Variants in RBFOX1 observed in about 807,000 individuals in gnomAD.
RBFOX1 encodes the protein RNA binding protein fox-1 homolog 1.
RBFOX1 carries 8 observed loss-of-function variants against 57.7 expected under a neutral mutation model. The observed-to-expected ratio is 0.14, with a 90% CI of 0.08 to 0.25. The LOEUF (loss-of-function observed/expected upper bound fraction) is 0.25. Ranked by LOEUF, RBFOX1 falls within the 10% of genes least tolerant of loss-of-function variation. The pLI is 1.00. For missense variants in RBFOX1, 611 were observed against 548.5 expected, an observed-to-expected ratio of 1.11 and a Z score of -1.14; for synonymous variants, 326 against 222.4, an observed-to-expected ratio of 1.47 and a Z score of -4.15.
At chr16:7,119,139 C>G (rs889624722) in intron 4 of RBFOX1, among the ~76,000 whole-genome samples, 2 of 152,144 alleles carry the variant, frequency 1.3e-5, no homozygotes, top group Non-Finnish European at 2.9e-5. Context: ...TGCTCTTGAT[C>G]TGAGGAAGAC....
chr16:5,832,917 C>T (rs1271463308), intron 3 of RBFOX1, among the ~76,000 whole-genome samples: 2 of 152,182 alleles, frequency 1.3e-5, no homozygotes, highest in Non-Finnish European at 2.9e-5. Flanking sequence ...TGGGTATCCC[C>T]AGGCTGTAGA....
intron 13 of RBFOX1, among the ~76,000 whole-genome samples, chr16:7,668,122 C>G (rs1033853718): frequency 1.3e-5 from 2 of 152,194 alleles, no homozygotes; most frequent in Non-Finnish European, 2.9e-5. Context: ...AACTCAACAG[C>G]TTGCATCTCA....
At chr16:7,625,355 A>G (rs972832992) in intron 10 of RBFOX1, among the ~76,000 whole-genome samples, 15 of 152,026 alleles carry the variant, frequency 9.9e-5, no homozygotes, top group African/African-American at 3.4e-4. Flanking sequence ...TATAAAAGAG[A>G]TGGTTTGGGG....
At chr16:7,456,159 A>G (rs2058470869) in intron 4 of RBFOX1, among the ~76,000 whole-genome samples, 1 of 152,128 alleles carries the variant, frequency 6.6e-6, no homozygotes, top group African/African-American at 2.4e-5. Flanking sequence ...AATCCTGATT[A>G]AGGGGCAGGG....
intron 4 of RBFOX1, among the ~76,000 whole-genome samples, chr16:5,921,675 A>G (rs1341614421): frequency 6.6e-6 from 1 of 152,172 alleles, no homozygotes; most frequent in Non-Finnish European, 1.5e-5. Context: ...TTTATAAAGA[A>G]AAGAGGTTTA....
chr16:7,368,737 G>A (rs9930485), intron 4 of RBFOX1, among the ~76,000 whole-genome samples: 4,084 of 148,836 alleles, frequency 0.027, 189 homozygotes, highest in African/African-American at 0.091. Context: ...CTGAGATCAC[G>A]CCCCTGCACT....
intron 2 of RBFOX1, among the ~76,000 whole-genome samples, chr16:6,449,945 C>G (rs949768053): frequency 1.3e-5 from 2 of 152,158 alleles, no homozygotes; most frequent in African/African-American, 4.8e-5. Flanking sequence ...CTGGATGATG[C>G]CAGGTCAGGA....
chr16:6,586,707 C>T lies in RBFOX1; in HGVS notation c.-63-67896C>T, dbSNP rs575095612. ...CAGGGATACGCTTACATCATCCCAG[C>T]TCAGGAGCCTGACGGCAAAGAGAAC... On this transcript the variant is annotated intron_variant, in intron 2 of 15. Transcript: ENST00000550418. 1.6e-4 allele frequency among the ~76,000 whole-genome samples: 25 copies of T among 152,274 alleles called. No homozygotes were observed. In the South Asian group the frequency reaches 4.8e-3, roughly 29 times the overall value.
At chr16:7,645,021 G>A (rs1042407480) in intron 11 of RBFOX1, among the ~76,000 whole-genome samples, 3 of 152,126 alleles carry the variant, frequency 2.0e-5, no homozygotes, top group Non-Finnish European at 4.4e-5. Flanking sequence ...TCTTATTCCC[G>A]AAGTCTAGCT....
At chr16:6,736,405 A>G (rs991548833) in intron 3 of RBFOX1, among the ~76,000 whole-genome samples, 1 of 152,086 alleles carries the variant, frequency 6.6e-6, no homozygotes, top group African/African-American at 2.4e-5. Context: ...AGAAAATATC[A>G]TGTTTGGTTT....
chr16:5,524,865 G>C (rs531468137), intron 2 of RBFOX1, among the ~76,000 whole-genome samples: 12 of 152,014 alleles, frequency 7.9e-5, no homozygotes, highest in Non-Finnish European at 1.3e-4. Context: ...TGATTTAAAC[G>C]CTTGTGCTAC....
rs377639096 is a variant in RBFOX1 at position 6,660,159 on chromosome 16, G to A, written c.-16+5509G>A. On this transcript the variant is annotated intron_variant, in intron 3 of 15. Coordinates refer to ENST00000550418, the MANE Select transcript of RBFOX1 (RefSeq NM_018723.4). ...GAATTGCTTGAACCTGGGAGGCAGA[G>A]GTTGCAGTGAGCTGAGATCTCGCCA... Among the ~76,000 whole-genome samples the A allele has an allele frequency of 4.0e-5, 6 of 151,778 alleles. No homozygotes were observed. In the East Asian group the frequency reaches 7.8e-4, roughly 20 times the overall value.
intron 3 of RBFOX1, among the ~76,000 whole-genome samples, chr16:6,731,141 G>T (rs888084046): frequency 6.6e-6 from 1 of 152,150 alleles, no homozygotes; most frequent in Non-Finnish European, 1.5e-5. Context: ...GATGAATACA[G>T]AGGGACTGCT....
intron 4 of RBFOX1, among the ~76,000 whole-genome samples, chr16:7,413,794 G>T (rs2098453187): frequency 6.6e-6 from 1 of 152,102 alleles, no homozygotes; most frequent in Admixed American, 6.6e-5. Flanking sequence ...TTGTAGAGCT[G>T]GATCCCAGGT....
At chr16:6,975,754 T>A (rs1207940522) in intron 3 of RBFOX1, among the ~76,000 whole-genome samples, 1 of 152,176 alleles carries the variant, frequency 6.6e-6, no homozygotes, top group Non-Finnish European at 1.5e-5. Flanking sequence ...TCTACTCCTA[T>A]GACCCCTAAA....
At chr16:6,131,566 C>G (rs1176871156) in intron 1 of RBFOX1, among the ~76,000 whole-genome samples, 3 of 152,168 alleles carry the variant, frequency 2.0e-5, no homozygotes, top group Non-Finnish European at 4.4e-5. Context: ...ATTCCACTCC[C>G]CAGATGACTC....
chr16:7,009,748 A>G (rs1334318628), intron 3 of RBFOX1, among the ~76,000 whole-genome samples: 1 of 152,216 alleles, frequency 6.6e-6, no homozygotes, highest in Admixed American at 6.5e-5. Flanking sequence ...AGTTCTCTTG[A>G]TTAAACACTA....
chr16:5,492,197 C>T (rs546938180), intron 2 of RBFOX1, among the ~76,000 whole-genome samples: 3 of 152,338 alleles, frequency 2.0e-5, no homozygotes, highest in Admixed American at 6.5e-5. Flanking sequence ...GAACTACCTA[C>T]TCCTCTCTGC....
At chr16:7,567,283 A>G (rs1439238113) in intron 5 of RBFOX1, among the ~76,000 whole-genome samples, 2 of 130,476 alleles carry the variant, frequency 1.5e-5, no homozygotes, top group Non-Finnish European at 3.2e-5. Context: ...ATATATCCCT[A>G]TATATCCTTA....
Sources: gnomAD v4.1 joint callset for allele counts (sites outside exome capture counted in the v4.1 genomes callset) on GRCh38, gnomAD v4.1.1 for gene constraint, MANE v1.5 for transcripts, NCBI Gene and HGNC (gene_info 2026-07-23, HGNC 2026-07-21) for gene names.